Variants in TTC3 observed in about 807,000 individuals in gnomAD.
TTC3 encodes the protein E3 ubiquitin-protein ligase TTC3.
TTC3 carries 180 observed loss-of-function variants against 249.6 expected under a neutral mutation model. The ratio of observed to expected loss-of-function variants is 0.72; its 90% CI spans 0.64 to 0.82. The LOEUF is 0.82. Ranked by LOEUF, TTC3 falls within the 40% of genes least tolerant of loss-of-function variation. The pLI is 0.00. For missense variants in TTC3, 2,061 were observed against 2,398.4 expected (o/e 0.86, Z 2.94); for synonymous variants, 717 against 805.0 (o/e 0.89, Z 1.85).
intron 1 of TTC3, among the ~76,000 whole-genome samples, chr21:37,079,425 T>TG (rs1401046318): frequency 1.3e-5 from 2 of 152,006 alleles, no homozygotes; most frequent in Admixed American, 6.6e-5. Context: ...AATTAGCAGT[T>TG]GAACAGTCAT....
At chr21:37,117,153 G>A (rs1032995392) in intron 11 of TTC3, among the ~76,000 whole-genome samples, 1 of 152,164 alleles carries the variant, frequency 6.6e-6, no homozygotes, top group African/African-American at 2.4e-5. Flanking sequence ...TTAAAAGACA[G>A]ATTTCTTCGC....
chr21:37,082,856 A>T, intron 1 of TTC3: 4 of 972,340 alleles, frequency 4.1e-6, no homozygotes, highest in Non-Finnish European at 4.9e-6. Context: ...TGATTGTATT[A>T]TAAAAAATTT....
At chr21:37,144,991 T>G (rs1464630175) in intron 21 of TTC3, among the ~76,000 whole-genome samples, 7 of 152,218 alleles carry the variant, frequency 4.6e-5, no homozygotes, top group Non-Finnish European at 4.4e-5. Context: ...AGTCCAGGCA[T>G]TCTGACTTCT....
At chr21:37,166,025 C>G in exon 33 of TTC3, 1 of 1,614,154 alleles carries the variant, frequency 6.2e-7, no homozygotes, top group Middle Eastern at 1.6e-4. Context: ...GGATGGGCAA[C>G]CCAAAGGGGT....
At chr21:37,182,689 G>C in intron 35 of TTC3, 85 bp from the exon 36 acceptor site, 1 of 1,324,850 alleles carries the variant, frequency 7.5e-7, no homozygotes, top group Non-Finnish European at 1.0e-6. Flanking sequence ...TTAAGCTATG[G>C]CACCGTCACA....
chr21:37,130,443 A>C (rs1384473591), intron 16 of TTC3, among the ~76,000 whole-genome samples: 2 of 151,946 alleles, frequency 1.3e-5, no homozygotes, highest in Non-Finnish European at 2.9e-5. Flanking sequence ...CCAACTGAAC[A>C]CTCCTTTATT....
exon 32 of TTC3, chr21:37,164,143 G>A: frequency 6.2e-7 from 1 of 1,613,784 alleles, no homozygotes. Flanking sequence ...GACCAACACA[G>A]TAACGAATAT....
At chr21:37,114,914 C>T (rs889304237) in intron 11 of TTC3, among the ~76,000 whole-genome samples, 1 of 152,038 alleles carries the variant, frequency 6.6e-6, no homozygotes, top group African/African-American at 2.4e-5. Flanking sequence ...CCATCATTCT[C>T]AGCAAACTGT....
chr21:37,088,763 G>T (rs1289711125), intron 4 of TTC3, 36 bp from the exon 5 acceptor site: 3 of 1,561,212 alleles, frequency 1.9e-6, no homozygotes, highest in Admixed American at 3.4e-5. Flanking sequence ...GTATATATGA[G>T]AATCTAATCT....
intron 1 of TTC3, among the ~76,000 whole-genome samples, chr21:37,078,869 T>C (rs1324271086): frequency 6.6e-6 from 1 of 152,208 alleles, no homozygotes; most frequent in Non-Finnish European, 1.5e-5. Context: ...TTAGAAGCGA[T>C]TATAGTGGGC....
exon 46 of TTC3, chr21:37,202,182 T>G (rs1197403828): frequency 6.6e-6 from 1 of 152,272 alleles, no homozygotes; most frequent in Non-Finnish European, 1.5e-5. Context: ...CATTTGATTT[T>G]TTATTATTTT....
Position 37,125,498 on chromosome 21 carries a change from A to G in TTC3, c.1234-582A>G, listed in dbSNP as rs372469818. Among the ~76,000 whole-genome samples the G allele has an allele frequency of 1.1e-4, 17 of 152,286 alleles. No homozygotes were observed. In the East Asian group the frequency reaches 2.7e-3, roughly 24 times the overall value. ...TGGTTGTTGTTTAACTACTGAAGTG[A>G]TGTGTCTTTTCACCCCATCTGATTG... is the stretch of plus-strand genomic sequence containing the variant. On this transcript the variant is annotated intron_variant, in intron 14 of 45. Transcript: ENST00000355666.
intron 13 of TTC3, 79 bp downstream of exon 13, chr21:37,123,107 C>A: frequency 2.0e-6 from 3 of 1,466,940 alleles, no homozygotes; most frequent in Non-Finnish European, 2.9e-6. Context: ...TTATGTTTGA[C>A]GCTTTAGGAG....
intron 17 of TTC3, among the ~76,000 whole-genome samples, chr21:37,135,153 C>T (rs1231530869): frequency 6.6e-6 from 1 of 152,202 alleles, no homozygotes; most frequent in East Asian, 1.9e-4. Flanking sequence ...CCACCTTTGT[C>T]ACAGGCAACA....
intron 36 of TTC3, 145 bp from the exon 37 acceptor site, chr21:37,185,561 G>A (rs992561058): frequency 9.1e-6 from 4 of 440,724 alleles, no homozygotes; most frequent in Non-Finnish European, 1.6e-5. Flanking sequence ...CTATTTAGAA[G>A]ATACTAAAAA....
chr21:37,083,355 A>G (rs1247409617), intron 1 of TTC3: 4 of 985,326 alleles, frequency 4.1e-6, no homozygotes, highest in Non-Finnish European at 4.8e-6. Flanking sequence ...GCTGAAGGGA[A>G]GCTGTTGCAT....
chr21:37,159,964 G>C (rs914531972), intron 29 of TTC3, among the ~76,000 whole-genome samples: 6 of 152,124 alleles, frequency 3.9e-5, no homozygotes, highest in Non-Finnish European at 5.9e-5. Flanking sequence ...GCTTAAATTA[G>C]ACAATTTCTA....
intron 33 of TTC3, 144 bp from the exon 34 acceptor site, chr21:37,167,411 T>G (rs2148081639): frequency 3.5e-6 from 2 of 577,138 alleles, no homozygotes; most frequent in East Asian, 7.1e-5. Flanking sequence ...AATATACATG[T>G]TTACGGAAAG....
At chr21:37,083,420 G>C in intron 1 of TTC3, 2 of 985,340 alleles carry the variant, frequency 2.0e-6, no homozygotes, top group Non-Finnish European at 2.4e-6. Context: ...CAAGATTGAA[G>C]GCAAGTCTGA....
Sources: allele counts gnomAD v4.1 joint callset (sites outside exome capture counted in the v4.1 genomes callset), GRCh38; gene constraint gnomAD v4.1.1; transcripts MANE v1.5; gene names NCBI Gene and HGNC (gene_info 2026-07-23, HGNC 2026-07-21).